The following MED14 variants were observed in gnomAD, a reference collection of about 807,000 sequenced individuals.
MED14 encodes mediator of RNA polymerase II transcription subunit 14.
In MED14, 8 loss-of-function variants were observed where a neutral mutation model predicts 109.0. The ratio of observed to expected loss-of-function variants is 0.07; its 90% CI spans 0.04 to 0.13. MED14 has a LOEUF of 0.13. MED14 is among the 10% of genes least tolerant of loss of function. MED14 has a pLI of 1.00. For synonymous variants in MED14, 399 were observed against 408.7 expected (o/e 0.98, Z 0.29); for missense variants, 711 against 1,142.4 (o/e 0.62, Z 5.44).
Position 40,692,787 on chromosome X carries a change from T to C in MED14, c.1766A>G (p.Gln589Arg), listed in dbSNP as rs1696933590. 8.3e-7 allele frequency: 1 copy of C among 1,208,800 alleles called. No homozygotes were observed. Among genetic ancestry groups the C allele is most frequent in the Admixed American group, 2.2e-5 (1 of 45,316 alleles). ...EDSPAMALLL[Q>R]QFKENIQDLV... is the part of the protein sequence containing the mutation. Reference sequence around the variant, plus strand: ...GTCCTGAATGTTTTCCTTGAACTGCTGCAGCAGCAATGCCATTGCAGGGCT... The same window carrying C: ...GTCCTGAATGTTTTCCTTGAACTGCCGCAGCAGCAATGCCATTGCAGGGCT... The change falls in exon 14 of 31, where the codon CAG becomes CGG. Residue 589 changes from glutamine (Q) to arginine (R), a missense_variant. By Grantham distance (43) the Gln-to-Arg change is conservative. This residue lies in a region of MED14 where 388 missense variants were observed against 517.3 expected (regional missense o/e 0.75). Coordinates refer to ENST00000324817, the MANE Select transcript of MED14 (RefSeq NM_004229.4).
At chrX:40,734,780 C>T (rs1309491818) in intron 1 of MED14, among the ~76,000 whole-genome samples, 1 of 112,655 alleles carries the variant, frequency 8.9e-6, no homozygotes, top group Non-Finnish European at 1.9e-5. Flanking sequence ...TTATACACAA[C>T]GTATGTAGCT....
At chrX:40,665,891 T>A (rs974897107) in intron 24 of MED14, among the ~76,000 whole-genome samples, 1 of 112,562 alleles carries the variant, frequency 8.9e-6, no homozygotes, top group African/African-American at 3.2e-5. Flanking sequence ...ATTCTAAACA[T>A]GTAACAATAG....
chrX:40,672,163 C>G (rs1391370444), intron 22 of MED14, among the ~76,000 whole-genome samples, 191 bp from the exon 23 acceptor site: 1 of 112,076 alleles, frequency 8.9e-6, no homozygotes, highest in Non-Finnish European at 1.9e-5. Context: ...CCCCGACTTT[C>G]GAAATGTTTT....
rs764798977 is a variant in MED14, at chrX:40,681,925, T to G, written c.2384A>C (p.Asn795Thr). 5 of 1,112,358 alleles carry G rather than the reference T, an allele frequency of 4.5e-6. No homozygotes were observed. The highest frequency in any genetic ancestry group is 1.8e-5 in the African/African-American group (1 of 54,986). 91.7% of individuals were successfully genotyped at this position (1,112,358 alleles called of 1,213,427 possible). The change falls in exon 19 of 31, where the codon AAT becomes ACT. Residue 795 changes from asparagine to threonine, a missense_variant. Asn to Thr is a moderately conservative substitution (Grantham distance 65, BLOSUM62 0). This residue lies in a region of MED14 where 388 missense variants were observed against 517.3 expected (regional missense o/e 0.75). Coordinates refer to ENST00000324817, the MANE Select transcript of MED14 (RefSeq NM_004229.4). ...ATAAACACGAACTTCTGAGAAAATA[T>G]TTAGATGAGCAGGTATGTCTAAACA... is the stretch of plus-strand genomic sequence containing the variant. Reference protein sequence around the residue: ...RSLPDIPAHLNIFSEVRVYNY... With the variant: ...RSLPDIPAHLTIFSEVRVYNY...
At chrX:40,683,746 TC>T (rs760112735) in intron 16 of MED14, among the ~76,000 whole-genome samples, 1 of 111,840 alleles carries the variant, frequency 8.9e-6, no homozygotes, top group Admixed American at 9.5e-5. Flanking sequence ...AGGTTCATTA[TC>T]CCCACTTTGC....
chrX:40,733,955 C>T (rs974906899), intron 1 of MED14, among the ~76,000 whole-genome samples: 1 of 112,005 alleles, frequency 8.9e-6, no homozygotes, highest in Admixed American at 9.4e-5. Flanking sequence ...GGCAATAAAA[C>T]AGATGTTCCT....
chrX:40,733,171 C>T (rs1035574783), intron 1 of MED14, among the ~76,000 whole-genome samples: 1 of 106,167 alleles, frequency 9.4e-6, no homozygotes, highest in African/African-American at 3.5e-5. Context: ...GTGGTGCGAA[C>T]ATGCTCACTG....
intron 28 of MED14, 114 bp downstream of exon 28, chrX:40,659,113 T>C: frequency 2.6e-6 from 1 of 390,699 alleles, no homozygotes; most frequent in Non-Finnish European, 4.2e-6. Flanking sequence ...ATTAAGAATT[T>C]AAGAGAAAAA....
At chrX:40,714,946 T>C in intron 3 of MED14, 1 of 335,567 alleles carries the variant, frequency 3.0e-6, no homozygotes, top group East Asian at 5.1e-5. Flanking sequence ...TTCTAATTCA[T>C]TTCTCCATCC....
intron 12 of MED14, among the ~76,000 whole-genome samples, chrX:40,700,916 T>C (rs1363159662): frequency 1.8e-5 from 2 of 111,624 alleles, no homozygotes; most frequent in Non-Finnish European, 3.8e-5. Flanking sequence ...GAAGAAAATG[T>C]GGTAAGGGAT....
intron 23 of MED14, 89 bp from the exon 24 acceptor site, chrX:40,666,940 T>G (rs1929511790): frequency 1.2e-6 from 1 of 843,746 alleles, no homozygotes; most frequent in East Asian, 3.5e-5. Context: ...CCCTATAAAT[T>G]AAAGAAACAA....
At chrX:40,714,232 A>G (rs1931435759) in intron 4 of MED14, among the ~76,000 whole-genome samples, 1 of 112,034 alleles carries the variant, frequency 8.9e-6, no homozygotes, top group African/African-American at 3.2e-5. Context: ...CAAAACAATA[A>G]AAGTTTAAAA....
At chrX:40,670,596 C>T (rs1444167642) in intron 23 of MED14, among the ~76,000 whole-genome samples, 4 of 109,725 alleles carry the variant, frequency 3.6e-5, no homozygotes, top group African/African-American at 6.6e-5. Context: ...CCCGTCTCTA[C>T]TAAAAATACA....
intron 11 of MED14, 103 bp from the exon 12 acceptor site, chrX:40,701,346 G>A (rs948950431): frequency 5.8e-5 from 29 of 500,662 alleles, no homozygotes; most frequent in Non-Finnish European, 8.6e-5. Flanking sequence ...ATTGTTTAAG[G>A]CAGAAAATCA....
intron 28 of MED14, among the ~76,000 whole-genome samples, chrX:40,656,485 A>C (rs1929059319): frequency 8.9e-6 from 1 of 112,381 alleles, no homozygotes; most frequent in South Asian, 3.6e-4. Flanking sequence ...GCTGGTGGGA[A>C]TATAAACTGG....
At position 40,716,589 on chromosome X, in the gene MED14, CA is replaced by C. The variant is rs34253902; in HGVS notation, c.349-1880del. Among the ~76,000 whole-genome samples the C allele has an allele frequency of 9.8e-3, 669 of 68,282 alleles. 3 individuals are homozygous for C. Among genetic ancestry groups the C allele is most frequent in the African/African-American group, 0.022 (450 of 20,138 alleles). 59.3% of individuals were successfully genotyped at this position (68,282 alleles called of 115,157 possible). A position where few individuals can be genotyped will look rare whatever the true frequency, so the allele number is the denominator to read the frequency against. On this transcript the variant is annotated intron_variant, in intron 3 of 30. Transcript: ENST00000324817. ...TGGGTGACAGAATGAGACCCTGTCTCAAAAAAAAAAAAAAACCACTAACAAC... is the reference window on the plus strand; with the variant it reads ...TGGGTGACAGAATGAGACCCTGTCTCAAAAAAAAAAAAAACCACTAACAAC...
intron 24 of MED14, among the ~76,000 whole-genome samples, chrX:40,666,084 G>T (rs919852483): frequency 3.6e-5 from 4 of 111,879 alleles, no homozygotes; most frequent in African/African-American, 1.3e-4. Flanking sequence ...TCATACTCAT[G>T]ATATATTAAG....
At chrX:40,725,697 A>T (rs188114102) in intron 3 of MED14, among the ~76,000 whole-genome samples, 1 of 111,907 alleles carries the variant, frequency 8.9e-6, no homozygotes, top group Non-Finnish European at 1.9e-5. Flanking sequence ...AATAAAAGCC[A>T]TATTTGACGG....
In MED14 at chrX:40,649,998, AAAATT is replaced by A. The variant is rs980514807; in HGVS notation, c.*1803_*1807del. ...AATACCTAAAAAGTTAACTCTTAAT[AAAATT>A]ATTTGAAACAATATTATCCTGCAGA... On this transcript the variant is annotated 3_prime_UTR_variant, in exon 31 of 31. Coordinates refer to ENST00000324817, the MANE Select transcript of MED14 (RefSeq NM_004229.4). The A allele has an allele frequency of 1.5e-5, 11 of 743,588 alleles. No individual in the cohort carries two copies. The African/African-American group carries it at 2.5e-4, about 17-fold the overall frequency. The allele number at this position is 743,588 out of a possible 1,213,427, so 61.3% of individuals were successfully genotyped here. A position where few individuals can be genotyped will look rare whatever the true frequency, so the allele number is the denominator to read the frequency against.
Sources: gnomAD v4.1 joint callset for allele counts (sites outside exome capture counted in the v4.1 genomes callset) on GRCh38, gnomAD v4.1.1 for gene constraint, gnomAD v4.1.1 regional missense constraint, MANE v1.5 for transcripts, NCBI Gene and HGNC (gene_info 2026-07-23, HGNC 2026-07-21) for gene names.